Variants in CRADD observed in about 807,000 individuals in gnomAD.
CRADD encodes the protein death domain-containing protein CRADD.
In CRADD, 9 loss-of-function variants were observed where a neutral mutation model predicts 15.5. The observed-to-expected ratio is 0.58, with a 90% CI of 0.35 to 1.01. The LOEUF (loss-of-function observed/expected upper bound fraction) is 1.01, where lower values mean the gene tolerates loss of function less well. Ranked by LOEUF, CRADD falls within the 50% of genes least tolerant of loss-of-function variation. The probability of loss-of-function intolerance (pLI) is 0.02; values close to 1 mark genes in which losing one functional copy is unlikely to be tolerated. For missense variants in CRADD, 227 were observed against 250.3 expected, an observed-to-expected ratio of 0.91 and a Z score of 0.63; for synonymous variants, 118 against 107.6, an observed-to-expected ratio of 1.10 and a Z score of -0.60.
chr12:93,690,083 T>C lies in CRADD; in HGVS notation c.298+11011T>C, dbSNP rs1955532260. Among the ~76,000 whole-genome samples, 3 of 152,198 alleles carry C rather than the reference T, an allele frequency of 2.0e-5. No homozygotes were observed. The South Asian group carries it at 6.2e-4, about 32-fold the overall frequency. The stretch of plus-strand genomic sequence containing the variant: ...GAATGATAAAGGTTTCAGGGCTTAA[T>C]AAGGGCAGGAATGAGGCAACAGTGG... On this transcript the variant is annotated intron_variant, in intron 2 of 2. Transcript: ENST00000332896.
chr12:93,826,238 A>G (rs1957822150), intron 2 of CRADD, among the ~76,000 whole-genome samples: 1 of 152,266 alleles, frequency 6.6e-6, no homozygotes, highest in Non-Finnish European at 1.5e-5. Context: ...GAATAAAACT[A>G]TCAATGCTAA....
intron 2 of CRADD, among the ~76,000 whole-genome samples, chr12:93,790,139 T>TC (rs1957331574): frequency 6.6e-6 from 1 of 152,176 alleles, no homozygotes; most frequent in Non-Finnish European, 1.5e-5. Flanking sequence ...AAGGATGTTG[T>TC]CAACTCTGCT....
intron 2 of CRADD, among the ~76,000 whole-genome samples, chr12:93,684,366 T>C (rs7310436): frequency 0.42 from 63,194 of 151,966 alleles, 14,070 homozygotes; most frequent in African/African-American, 0.58. Flanking sequence ...GACCTCGATC[T>C]CTGGCATGTG....
chr12:93,854,463 G>T (rs1958254620), downstream of CRADD, among the ~76,000 whole-genome samples: 1 of 152,196 alleles, frequency 6.6e-6, no homozygotes, highest in Non-Finnish European at 1.5e-5. Context: ...TGACATTTCT[G>T]GCCAAAGCCA....
At chr12:93,745,138 G>A (rs1032400885) in intron 2 of CRADD, among the ~76,000 whole-genome samples, 3 of 152,152 alleles carry the variant, frequency 2.0e-5, no homozygotes, top group Non-Finnish European at 2.9e-5. Flanking sequence ...TTATAGAGCT[G>A]CATAATTCTT....
At chr12:93,840,649 C>T (rs1382284575) in intron 2 of CRADD, among the ~76,000 whole-genome samples, 1 of 152,054 alleles carries the variant, frequency 6.6e-6, no homozygotes, top group African/African-American at 2.4e-5. Flanking sequence ...TCACCACAAC[C>T]TCTGCTTCCT....
At position 93,780,872 on chromosome 12, in the gene CRADD, G is replaced by T. The variant is rs1957200965; in HGVS notation, c.299-69098G>T. The stretch of plus-strand genomic sequence containing the variant: ...TCTCATATCTCAGCCTCAGCCTCCT[G>T]CATAGCTGGGATTACAGGCACATGC... On this transcript the variant is annotated intron_variant, in intron 2 of 2. Coordinates refer to ENST00000332896, the MANE Select transcript of CRADD (RefSeq NM_003805.5). Among the ~76,000 whole-genome samples, 6 of 146,518 alleles carry T rather than the reference G, an allele frequency of 4.1e-5. No homozygotes were observed. The Admixed American group carries it at 4.1e-4, about 10-fold the overall frequency.
At chr12:93,829,334 A>G (rs1242053433) in intron 2 of CRADD, among the ~76,000 whole-genome samples, 1 of 152,076 alleles carries the variant, frequency 6.6e-6, no homozygotes, top group East Asian at 1.9e-4. Context: ...ATTTTCTACC[A>G]TTATCTGGTA....
In CRADD at chr12:93,773,846, C is replaced by T. The variant is rs1417650034; in HGVS notation, c.299-76124C>T. 2.0e-3 allele frequency among the ~76,000 whole-genome samples: 172 copies of T among 87,874 alleles called. 1 individual carries two copies. Among genetic ancestry groups the T allele is most frequent in the African/African-American group, 6.6e-3 (143 of 21,554 alleles). The allele number at this position is 87,874 out of a possible 152,430, so 57.6% of individuals were successfully genotyped here. A position where few individuals can be genotyped will look rare whatever the true frequency, so the allele number is the denominator to read the frequency against. ...TTTTTTTTTTTTTTTGAGACAGGGT[C>T]TTGTTCTGTTGTCCAGGCTCTAGTG... is the stretch of plus-strand genomic sequence containing the variant. On this transcript the variant is annotated intron_variant, in intron 2 of 2. Transcript: ENST00000332896.
intron 2 of CRADD, among the ~76,000 whole-genome samples, chr12:93,697,444 A>C (rs1955736928): frequency 1.3e-5 from 2 of 152,238 alleles, no homozygotes; most frequent in Non-Finnish European, 2.9e-5. Flanking sequence ...TCCAGCCTCC[A>C]GAACTGTGAG....
At chr12:93,862,081 C>G (rs561899118) in intron 2 of CRADD, among the ~76,000 whole-genome samples, 4 of 152,280 alleles carry the variant, frequency 2.6e-5, no homozygotes, top group African/African-American at 9.6e-5. Context: ...TTCTCCTTTG[C>G]CTTCCACCAT....
chr12:93,807,597 G>T (rs1312695412), intron 2 of CRADD, among the ~76,000 whole-genome samples: 1 of 152,100 alleles, frequency 6.6e-6, no homozygotes, highest in Non-Finnish European at 1.5e-5. Context: ...TGAAGTTGGG[G>T]ATCAGGGAGG....
At chr12:93,807,438 A>G (rs377381063) in intron 2 of CRADD, among the ~76,000 whole-genome samples, 1 of 152,094 alleles carries the variant, frequency 6.6e-6, no homozygotes, top group East Asian at 1.9e-4. Flanking sequence ...TCATGGTCTC[A>G]GTCCCCTTAA....
intron 2 of CRADD, among the ~76,000 whole-genome samples, chr12:93,783,871 G>C (rs769875132): frequency 6.6e-6 from 1 of 152,088 alleles, no homozygotes; most frequent in Non-Finnish European, 1.5e-5. Flanking sequence ...CTGAAAAAAT[G>C]ACATTGGCTT....
At chr12:93,865,121 T>C (rs1429468116) in intron 2 of CRADD, among the ~76,000 whole-genome samples, 2 of 152,156 alleles carry the variant, frequency 1.3e-5, no homozygotes, top group African/African-American at 4.8e-5. Flanking sequence ...CCAGGAGTAG[T>C]AGTAGATGCT....
chr12:93,734,015 G>T (rs1334170441), intron 2 of CRADD, among the ~76,000 whole-genome samples: 3 of 152,108 alleles, frequency 2.0e-5, no homozygotes, highest in African/African-American at 7.2e-5. Flanking sequence ...CGGATTACAG[G>T]CGTGAGCCAC....
chr12:93,729,630 A>G (rs1296522172), intron 2 of CRADD, among the ~76,000 whole-genome samples: 1 of 152,036 alleles, frequency 6.6e-6, no homozygotes, highest in South Asian at 2.1e-4. Flanking sequence ...TACTAAAAAT[A>G]CAGAATTACC....
intron 2 of CRADD, among the ~76,000 whole-genome samples, chr12:93,829,847 C>A (rs966588315): frequency 6.6e-6 from 1 of 152,102 alleles, no homozygotes; most frequent in African/African-American, 2.4e-5. Flanking sequence ...TGCCCGCCAC[C>A]ACACCTGGCT....
chr12:93,712,110 T>G (rs1175682956), intron 2 of CRADD, among the ~76,000 whole-genome samples: 1 of 152,182 alleles, frequency 6.6e-6, no homozygotes, highest in Non-Finnish European at 1.5e-5. Context: ...TCCTATGTTC[T>G]GTTTTTTTCT....
Sources: allele counts gnomAD v4.1 joint callset (sites outside exome capture counted in the v4.1 genomes callset), GRCh38; gene constraint gnomAD v4.1.1; transcripts MANE v1.5; gene names NCBI Gene and HGNC (gene_info 2026-07-23, HGNC 2026-07-21).